Variants in DPP6 observed in about 807,000 individuals in gnomAD.
DPP6 encodes dipeptidyl peptidase like 6, also known as A-type potassium channel modulatory protein DPP6.
In DPP6, 69 loss-of-function variants were observed where a neutral mutation model predicts 122.6. The ratio of observed to expected loss-of-function variants is 0.56; its 90% CI spans 0.46 to 0.69. The LOEUF is 0.69. DPP6 is among the 30% of genes least tolerant of loss of function. DPP6 has a pLI of 0.00. For missense variants in DPP6, 928 were observed against 1,116.9 expected (o/e 0.83, Z 2.41); for synonymous variants, 418 against 433.1 (o/e 0.97, Z 0.43).
chr7:154,748,664 A>T (rs1257283402), intron 8 of DPP6, among the ~76,000 whole-genome samples: 1 of 152,106 alleles, frequency 6.6e-6, no homozygotes, highest in Non-Finnish European at 1.5e-5. Context: ...TTTCTCGCGC[A>T]TGGCGGTAAG....
chr7:153,947,937 A>G lies in DPP6; in HGVS notation c.51+60203A>G, dbSNP rs561371425. ...ATAATATTCAGTATGCCAAGGTAGC[A>G]TCTTTGTGGTAGTGTGTCCTGAATC... On this transcript the variant is annotated intron_variant, in intron 1 of 25. Transcript: ENST00000404039. Among the ~76,000 whole-genome samples the G allele has an allele frequency of 1.4e-4, 21 of 152,216 alleles. No individual in the cohort carries two copies. In the South Asian group the frequency reaches 4.4e-3, roughly 32 times the overall value.
At chr7:153,963,308 A>T (rs1354212641) in intron 1 of DPP6, among the ~76,000 whole-genome samples, 1 of 151,312 alleles carries the variant, frequency 6.6e-6, no homozygotes, top group African/African-American at 2.4e-5. Flanking sequence ...GCCAGGCACT[A>T]TGGGGGCTTT....
intron 1 of DPP6, among the ~76,000 whole-genome samples, chr7:153,888,459 C>T (rs988403848): frequency 6.6e-6 from 1 of 152,158 alleles, no homozygotes; most frequent in African/African-American, 2.4e-5. Flanking sequence ...GCCTCCCCAG[C>T]GAGCCCACCC....
chr7:154,477,431 G>A (rs569360868), intron 3 of DPP6, among the ~76,000 whole-genome samples: 1 of 152,088 alleles, frequency 6.6e-6, no homozygotes, highest in East Asian at 1.9e-4. Context: ...CTGGGAAGAC[G>A]CCATGATATG....
intron 1 of DPP6, among the ~76,000 whole-genome samples, chr7:153,970,750 G>A (rs575326877): frequency 6.6e-6 from 1 of 152,264 alleles, no homozygotes; most frequent in South Asian, 2.1e-4. Context: ...AATGGTGATT[G>A]TCTCCATGGA....
intron 3 of DPP6, among the ~76,000 whole-genome samples, chr7:154,482,952 A>G (rs1586412609): frequency 6.6e-6 from 1 of 152,212 alleles, no homozygotes; most frequent in African/African-American, 2.4e-5. Context: ...AAGAGTTTGG[A>G]GTGGAAGTCT....
At chr7:153,922,956 C>T (rs1800710656) in intron 1 of DPP6, among the ~76,000 whole-genome samples, 1 of 152,206 alleles carries the variant, frequency 6.6e-6, no homozygotes, top group African/African-American at 2.4e-5. Context: ...ATCAGTGATT[C>T]CAAATGGGTT....
intron 1 of DPP6, among the ~76,000 whole-genome samples, chr7:154,027,292 T>A (rs1364344299): frequency 1.3e-5 from 2 of 152,198 alleles, no homozygotes; most frequent in African/African-American, 2.4e-5. Context: ...ACACCTTCAC[T>A]GTTTCTAAAC....
intron 1 of DPP6, among the ~76,000 whole-genome samples, chr7:153,980,588 G>T (rs1454740375): frequency 6.6e-6 from 1 of 152,026 alleles, no homozygotes; most frequent in Non-Finnish European, 1.5e-5. Flanking sequence ...TCTTCTGCTA[G>T]CTTTTGAATG....
intron 1 of DPP6, among the ~76,000 whole-genome samples, chr7:153,955,117 A>G (rs887214153): frequency 2.0e-5 from 3 of 152,152 alleles, no homozygotes; most frequent in Non-Finnish European, 4.4e-5. Context: ...GGCATCATCA[A>G]GTTCTGTCAT....
intron 1 of DPP6, among the ~76,000 whole-genome samples, chr7:154,302,039 G>T (rs920510760): frequency 6.6e-6 from 1 of 151,436 alleles, no homozygotes; most frequent in Non-Finnish European, 1.5e-5. Context: ...GGATGGTCTC[G>T]ATCTCCTGAC....
intron 10 of DPP6, among the ~76,000 whole-genome samples, chr7:154,791,620 G>A (rs1485047640): frequency 6.6e-6 from 1 of 152,196 alleles, no homozygotes; most frequent in Non-Finnish European, 1.5e-5. Context: ...ATCAGGCTCT[G>A]AGTAAAGAAA....
the DPP6 span, among the ~76,000 whole-genome samples, chr7:153,803,460 C>A: frequency 0.017 from 2,625 of 151,596 alleles, 37 homozygotes; most frequent in Middle Eastern, 0.058. Flanking sequence ...TCTGCCCCTG[C>A]CTACCTGCCT....
At chr7:154,074,104 G>GAGAGATATATAGAGATCTAT (rs1803353952) in intron 1 of DPP6, among the ~76,000 whole-genome samples, 1 of 81,864 alleles carries the variant, frequency 1.2e-5, no homozygotes, top group African/African-American at 4.9e-5. Flanking sequence ...TCTATATAGA[G>GAGAGATATATAGAGATCTAT]ATAGAGAGAT....
intron 7 of DPP6, among the ~76,000 whole-genome samples, chr7:154,713,101 C>T (rs11978877): frequency 0.17 from 26,230 of 152,276 alleles, 2,939 homozygotes; most frequent in African/African-American, 0.32. Flanking sequence ...CCATGCATGT[C>T]CAAAATCCAA....
chr7:154,425,621 G>T lies in DPP6; in HGVS notation c.244-20593G>T, dbSNP rs199589154. Among the ~76,000 whole-genome samples the T allele has an allele frequency of 7.2e-3, 876 of 121,432 alleles. 7 individuals carry two copies. Among genetic ancestry groups the T allele is most frequent in the Admixed American group, 0.014 (179 of 13,186 alleles). The allele number at this position is 121,432 out of a possible 152,430, so 79.7% of individuals were successfully genotyped here. A position where few individuals can be genotyped will look rare whatever the true frequency, so the allele number is the denominator to read the frequency against. On this transcript the variant is annotated intron_variant, in intron 1 of 25. Coordinates refer to ENST00000377770, the MANE Select transcript of DPP6 (RefSeq NM_130797.4). ...GGAAAAAAATGTGTGTGTGTGTGTG[G>T]GTGTGTGTGTGTGTGTGTGTGTGTG...
At chr7:153,841,890 G>A in the DPP6 span, among the ~76,000 whole-genome samples, 4 of 152,172 alleles carry the variant, frequency 2.6e-5, no homozygotes, top group African/African-American at 7.2e-5. Context: ...TATTCGTTTT[G>A]CTTAAGAAAT....
At position 154,796,049 on chromosome 7, in the gene DPP6, C is replaced by G. The variant is rs539925776; in HGVS notation, c.1299+166C>G. 4.0e-5 allele frequency: 46 copies of G among 1,139,764 alleles called. No individual in the cohort carries two copies. In the South Asian group the frequency reaches 7.2e-4, roughly 18 times the overall value. 70.6% of individuals were successfully genotyped at this position (1,139,764 alleles called of 1,614,324 possible). A position where few individuals can be genotyped will look rare whatever the true frequency, so the allele number is the denominator to read the frequency against. ...GGCTCCACTCACGGTGCCTCCCGTT[C>G]TCCAGGGTTGCCCAGAGAGCTCCAG... On this transcript the variant is annotated intron_variant, in intron 12 of 25. Transcript: ENST00000377770.
At chr7:154,554,203 CTG>C (rs36078804) in intron 4 of DPP6, among the ~76,000 whole-genome samples, 4,242 of 152,260 alleles carry the variant, frequency 0.028, 95 homozygotes, top group East Asian at 0.093. Context: ...CCCAAGGGTT[CTG>C]TCTTTCTCAT....
Sources: allele counts gnomAD v4.1 joint callset (sites outside exome capture counted in the v4.1 genomes callset), GRCh38; gene constraint gnomAD v4.1.1; transcripts MANE v1.5; gene names NCBI Gene and HGNC (gene_info 2026-07-23, HGNC 2026-07-21).